BABAM2: variants seen among roughly 807,000 people sequenced by gnomAD.
BABAM2 encodes the protein BRISC and BRCA1 A complex member 2, also known as BRISC and BRCA1-A complex member 2.
Under a neutral mutation model 54.7 loss-of-function variants are expected in BABAM2, and 31 were observed. The ratio of observed to expected loss-of-function variants is 0.57; its 90% CI spans 0.43 to 0.77. BABAM2 has a LOEUF of 0.77. Ranked by LOEUF, BABAM2 falls within the 30% of genes least tolerant of loss-of-function variation. The probability of loss-of-function intolerance (pLI) is 0.00; values close to 1 mark genes in which losing one functional copy is unlikely to be tolerated. For synonymous variants in BABAM2, 167 were observed against 162.9 expected, an observed-to-expected ratio of 1.03 and a Z score of -0.19; for missense variants, 364 against 455.8, an observed-to-expected ratio of 0.80 and a Z score of 1.83.
chr2:28,013,207 A>G (rs1674522703), intron 4 of BABAM2, among the ~76,000 whole-genome samples: 2 of 152,270 alleles, frequency 1.3e-5, no homozygotes, highest in South Asian at 4.1e-4. Flanking sequence ...TTGCCTATGG[A>G]GGAAACTAGA....
intron 10 of BABAM2, among the ~76,000 whole-genome samples, chr2:28,293,411 A>G (rs1290337638): frequency 6.6e-6 from 1 of 152,178 alleles, no homozygotes; most frequent in Non-Finnish European, 1.5e-5. Flanking sequence ...GAAGGTAGAA[A>G]TGCAGCCACT....
rs182795671 is a variant in BABAM2, at chr2:28,112,325, T to A, written c.571-16946T>A. On this transcript the variant is annotated intron_variant, in intron 6 of 11. Coordinates refer to ENST00000379624, the MANE Select transcript of BABAM2 (RefSeq NM_199191.3). ...TGTACCCACCAACCTGTCATCTACA[T>A]TAGGTATTTCTCCTAATGCTATCCC... is the stretch of plus-strand genomic sequence containing the variant. Among the ~76,000 whole-genome samples, 130 of 151,172 alleles carry A rather than the reference T, an allele frequency of 8.6e-4. 1 individual carries two copies. The highest frequency in any genetic ancestry group is 3.3e-3 in the Admixed American group (50 of 15,152).
chr2:28,136,687 C>T (rs936677463), intron 7 of BABAM2, among the ~76,000 whole-genome samples: 1 of 152,134 alleles, frequency 6.6e-6, no homozygotes, highest in African/African-American at 2.4e-5. Flanking sequence ...TCTTCTGTGA[C>T]CTATGTGACC....
At chr2:28,199,691 A>T (rs572412848) in intron 7 of BABAM2, among the ~76,000 whole-genome samples, 2 of 152,286 alleles carry the variant, frequency 1.3e-5, no homozygotes, top group East Asian at 3.9e-4. Flanking sequence ...AGGAACAGAA[A>T]ACGAACTTCT....
Position 28,145,179 on chromosome 2 carries a change from C to T in BABAM2, c.680+15799C>T, listed in dbSNP as rs1671386197. 2.0e-5 allele frequency among the ~76,000 whole-genome samples: 3 copies of T among 152,188 alleles called. No individual in the cohort carries two copies. The South Asian group carries it at 6.2e-4, about 32-fold the overall frequency. ...GGTGTGACTTATAGACAGTGTTGGACAGAAATGAAACAAAGGAGAAAGATG... is the reference window on the plus strand; with the variant it reads ...GGTGTGACTTATAGACAGTGTTGGATAGAAATGAAACAAAGGAGAAAGATG... On this transcript the variant is annotated intron_variant, in intron 7 of 11. Transcript: ENST00000379624.
intron 6 of BABAM2, among the ~76,000 whole-genome samples, chr2:28,113,552 G>A (rs1668330862): frequency 6.6e-6 from 1 of 152,124 alleles, no homozygotes; most frequent in South Asian, 2.1e-4. Flanking sequence ...GGTTGCTGTA[G>A]CCTGGTAGTG....
Position 28,219,679 on chromosome 2 carries a change from A to G in BABAM2, c.681-17523A>G, listed in dbSNP as rs528816146. ...ATCAGAAAAAAAAAAAACCGGGTAG[A>G]GGATTACAAGCAAAGAAGCTTCAGT... On this transcript the variant is annotated intron_variant, in intron 7 of 11. Coordinates refer to ENST00000379624, the MANE Select transcript of BABAM2 (RefSeq NM_199191.3). Among the ~76,000 whole-genome samples the G allele has an allele frequency of 3.3e-3, 507 of 151,356 alleles. 2 individuals carry two copies. Among genetic ancestry groups the G allele is most frequent in the African/African-American group, 0.012 (484 of 41,350 alleles).
At chr2:28,082,593 A>G (rs541493518) in intron 6 of BABAM2, among the ~76,000 whole-genome samples, 3 of 152,302 alleles carry the variant, frequency 2.0e-5, no homozygotes, top group African/African-American at 4.8e-5. Flanking sequence ...AGCACTTCCT[A>G]TAGTGCTTGG....
At chr2:28,007,105 C>A (rs1674032900) in intron 4 of BABAM2, among the ~76,000 whole-genome samples, 1 of 151,598 alleles carries the variant, frequency 6.6e-6, no homozygotes, top group African/African-American at 2.4e-5. Context: ...CCTTAATTAT[C>A]ATTATATTGT....
chr2:28,050,533 G>A (rs1034630907), intron 6 of BABAM2, among the ~76,000 whole-genome samples: 14 of 152,164 alleles, frequency 9.2e-5, no homozygotes, highest in Non-Finnish European at 2.9e-5. Context: ...GTTTTTGAGT[G>A]CGGTACTGTG....
intron 7 of BABAM2, among the ~76,000 whole-genome samples, chr2:28,188,556 C>G (rs1471565518): frequency 1.3e-5 from 2 of 152,200 alleles, no homozygotes; most frequent in African/African-American, 4.8e-5. Context: ...CAGGCTCAGT[C>G]AGATGCTAAC....
intron 7 of BABAM2, among the ~76,000 whole-genome samples, chr2:28,189,027 C>A (rs368539000): frequency 2.0e-5 from 3 of 152,154 alleles, no homozygotes; most frequent in South Asian, 4.2e-4. Flanking sequence ...ATGGTGAAAC[C>A]CCGTCTCCAC....
intron 6 of BABAM2, among the ~76,000 whole-genome samples, chr2:28,072,414 C>T (rs1374122194): frequency 6.7e-6 from 1 of 149,794 alleles, no homozygotes; most frequent in Non-Finnish European, 1.5e-5. Context: ...GAGGCGGAGT[C>T]TCGCTCTGTC....
chr2:28,301,796 C>G (rs1688124727), intron 11 of BABAM2, among the ~76,000 whole-genome samples: 1 of 152,178 alleles, frequency 6.6e-6, no homozygotes, highest in African/African-American at 2.4e-5. Context: ...TTCTTCACAT[C>G]TTCATATATA....
chr2:28,190,854 T>C (rs535348979), intron 7 of BABAM2, among the ~76,000 whole-genome samples: 1 of 152,258 alleles, frequency 6.6e-6, no homozygotes, highest in African/African-American at 2.4e-5. Flanking sequence ...ATGACAAACA[T>C]CTAGAAGAGA....
At chr2:27,982,027 A>T (rs897056347) in intron 3 of BABAM2, among the ~76,000 whole-genome samples, 1 of 152,090 alleles carries the variant, frequency 6.6e-6, no homozygotes, top group Non-Finnish European at 1.5e-5. Flanking sequence ...TTATTATTAT[A>T]TGTCTTTTTG....
chr2:28,138,268 C>A (rs1670718269), intron 7 of BABAM2, among the ~76,000 whole-genome samples: 1 of 152,118 alleles, frequency 6.6e-6, no homozygotes, highest in African/African-American at 2.4e-5. Flanking sequence ...TTGAGAAAGT[C>A]CGGTGAATCT....
chr2:28,308,318 G>A (rs767314573), intron 11 of BABAM2: 1 of 456,668 alleles, frequency 2.2e-6, no homozygotes, highest in Non-Finnish European at 4.3e-6. Flanking sequence ...AGACAGTGTG[G>A]CTCTGCAGGC....
At chr2:28,218,742 A>G (rs1236507400) in intron 7 of BABAM2, among the ~76,000 whole-genome samples, 3 of 152,012 alleles carry the variant, frequency 2.0e-5, no homozygotes, top group African/African-American at 2.4e-5. Context: ...TCTTCCTCAG[A>G]CTTTCACCCA....
Sources: allele counts gnomAD v4.1 joint callset (sites outside exome capture counted in the v4.1 genomes callset), GRCh38; gene constraint gnomAD v4.1.1; transcripts MANE v1.5; gene names NCBI Gene and HGNC (gene_info 2026-07-23, HGNC 2026-07-21).